Variants in CYP2J2 observed in about 807,000 individuals in gnomAD.
CYP2J2 encodes cytochrome P450 2J2.
CYP2J2 carries 41 observed loss-of-function variants against 48.8 expected under a neutral mutation model. The observed-to-expected ratio is 0.84, with a 90% CI of 0.66 to 1.09. CYP2J2 has a LOEUF of 1.09. CYP2J2 is among the 50% of genes least tolerant of loss of function. CYP2J2 has a pLI of 0.00. For synonymous variants in CYP2J2, 221 were observed against 227.1 expected, an observed-to-expected ratio of 0.97 and a Z score of 0.24; for missense variants, 644 against 617.3, an observed-to-expected ratio of 1.04 and a Z score of -0.46.
the CYP2J2 span, among the ~76,000 whole-genome samples, chr1:59,966,903 C>T: frequency 2.0e-5 from 3 of 152,092 alleles, no homozygotes; most frequent in Non-Finnish European, 4.4e-5. Flanking sequence ...TAATGAAGTC[C>T]TGGCCTTTCT....
chr1:59,951,988 G>T, the CYP2J2 span, among the ~76,000 whole-genome samples: 1 of 152,126 alleles, frequency 6.6e-6, no homozygotes, highest in African/African-American at 2.4e-5. Flanking sequence ...AATATCAGGG[G>T]TAGGGTCTGT....
At chr1:59,934,419 A>G in the CYP2J2 span, among the ~76,000 whole-genome samples, 3 of 152,192 alleles carry the variant, frequency 2.0e-5, no homozygotes, top group African/African-American at 7.2e-5. Flanking sequence ...AACAAAGGAA[A>G]CAATCAATGC....
In CYP2J2 at chr1:59,897,196, T is replaced by C. The variant is rs1174415042; in HGVS notation, c.1331-3367A>G. Among the ~76,000 whole-genome samples, 3 of 152,194 alleles carry C rather than the reference T, an allele frequency of 2.0e-5. No individual in the cohort carries two copies. In the East Asian group the frequency reaches 5.8e-4, roughly 29 times the overall value. On this transcript the variant is annotated intron_variant, in intron 8 of 8. Transcript: ENST00000371204. ...ATCACAAATAGTACAATTAGCAACA[T>C]GCTAAAATGATACCAAGTCAGTTTA...
At chr1:59,967,795 A>C in the CYP2J2 span, among the ~76,000 whole-genome samples, 1 of 152,254 alleles carries the variant, frequency 6.6e-6, no homozygotes, top group Non-Finnish European at 1.5e-5. Context: ...GTAAGTACTG[A>C]AATACTGGCC....
At chr1:59,900,342 A>T (rs1260919609) in intron 8 of CYP2J2, among the ~76,000 whole-genome samples, 1 of 152,102 alleles carries the variant, frequency 6.6e-6, no homozygotes, top group Admixed American at 6.6e-5. Flanking sequence ...GGATGGCAGC[A>T]CCCGACCGGG....
At chr1:59,948,507 AAATT>A in the CYP2J2 span, among the ~76,000 whole-genome samples, 1 of 152,240 alleles carries the variant, frequency 6.6e-6, no homozygotes, top group Non-Finnish European at 1.5e-5. Context: ...ACAAAAATAA[AAATT>A]AAAAATTAAG....
At chr1:59,949,638 C>G in the CYP2J2 span, among the ~76,000 whole-genome samples, 3 of 152,048 alleles carry the variant, frequency 2.0e-5, no homozygotes, top group South Asian at 6.2e-4. Context: ...CCGGTAACCC[C>G]CAATCACTAG....
chr1:59,898,762 T>A (rs558018085), intron 8 of CYP2J2, among the ~76,000 whole-genome samples: 1 of 152,302 alleles, frequency 6.6e-6, no homozygotes, highest in Middle Eastern at 3.4e-3. Flanking sequence ...TTTTTAGTTA[T>A]CTTAAATTAA....
At chr1:59,957,071 C>T in the CYP2J2 span, among the ~76,000 whole-genome samples, 2 of 152,210 alleles carry the variant, frequency 1.3e-5, no homozygotes, top group Admixed American at 6.5e-5. Context: ...CAGAGCCCCC[C>T]ACTTGGGTGC....
At chr1:59,938,014 C>T in the CYP2J2 span, among the ~76,000 whole-genome samples, 10 of 152,102 alleles carry the variant, frequency 6.6e-5, no homozygotes, top group African/African-American at 2.4e-4. Context: ...CTCAAAATAA[C>T]TATTTTGAAT....
chr1:59,950,681 C>T, the CYP2J2 span, among the ~76,000 whole-genome samples: 1 of 152,166 alleles, frequency 6.6e-6, no homozygotes, highest in South Asian at 2.1e-4. Context: ...TGGGCCAGGA[C>T]TTTGGGCAGA....
rs1168971177 is a variant in CYP2J2, at chr1:59,904,962, T to C, written c.1100A>G (p.His367Arg). ...GATGTTGCCCATTCTCTGCACCTCA[T>C]GGATGACAGCATTGGTGTAGGGCAT... is the stretch of plus-strand genomic sequence containing the variant. The part of the protein sequence containing the change: ...ESMPYTNAVI[H>R]EVQRMGNIIP... The change falls in exon 7 of 9, where the codon CAT becomes CGT. Residue 367 changes from histidine (H) to arginine (R), a missense_variant. His to Arg is a conservative substitution (Grantham distance 29). Coordinates refer to ENST00000371204, the MANE Select transcript of CYP2J2 (RefSeq NM_000775.4). The C allele has an allele frequency of 8.1e-6, 13 of 1,613,816 alleles. No individual in the cohort carries two copies. Among genetic ancestry groups the C allele is most frequent in the East Asian group, 6.7e-5 (3 of 44,846 alleles).
At chr1:59,901,463 C>G (rs1033236231) in intron 7 of CYP2J2, among the ~76,000 whole-genome samples, 3 of 152,180 alleles carry the variant, frequency 2.0e-5, no homozygotes, top group Admixed American at 6.5e-5. Flanking sequence ...GTACCAAAAC[C>G]AGCCCAGCTG....
At chr1:59,949,181 A>G in the CYP2J2 span, among the ~76,000 whole-genome samples, 80 of 152,240 alleles carry the variant, frequency 5.3e-4, no homozygotes, top group African/African-American at 1.9e-3. Context: ...TCTCAGACCT[A>G]TTGCACAACT....
chr1:59,928,024 G>A (rs1046375824), upstream of CYP2J2, among the ~76,000 whole-genome samples: 6 of 152,024 alleles, frequency 3.9e-5, no homozygotes, highest in Non-Finnish European at 7.4e-5. Flanking sequence ...ATTTTTACAC[G>A]AATTATTCTA....
the CYP2J2 span, among the ~76,000 whole-genome samples, chr1:59,939,789 G>A: frequency 6.6e-6 from 1 of 152,164 alleles, no homozygotes; most frequent in Non-Finnish European, 1.5e-5. Context: ...CTAAAACCAC[G>A]AGACATAGCT....
chr1:59,904,996 G>C lies in CYP2J2; in HGVS notation c.1066C>G (p.Arg356Gly). Residue 356 changes from arginine to glycine, a missense_variant, in exon 7 of 9, where the codon CGG becomes GGG. Transcript: ENST00000371204. ...GCATTGGTGTAGGGCATGGACTCCC[G>C]GGCGGCTGTGCTCGGCTGCTGCCCC... ...GQGQQPSTAA[R>G]ESMPYTNAVI... 1 of 1,613,894 alleles carries C rather than the reference G, an allele frequency of 6.2e-7. No individual in the cohort carries two copies. The highest frequency in any genetic ancestry group is 8.5e-7 in the Non-Finnish European group (1 of 1,179,914).
chr1:59,926,698 G>A lies in CYP2J2; in HGVS notation c.49C>T (p.His17Tyr). Residue 17 changes from histidine to tyrosine, a missense_variant, in exon 1 of 9, where the codon CAT (histidine) becomes TAT (tyrosine). Physicochemically the swap from His to Tyr is moderately conservative, Grantham distance 83 (BLOSUM62 2). Transcript: ENST00000371204. ...SLAAALWAVV[H>Y]PRTLLLGTVA... ...GTGCCCAGTAGGAGAGTCCGAGGAT[G>A]GACCACTGCCCAGAGGGCAGCCGCC... is the stretch of plus-strand genomic sequence containing the variant. The A allele has an allele frequency of 6.2e-7, 1 of 1,614,054 alleles. No individual in the cohort carries two copies. Among genetic ancestry groups the A allele is most frequent in the Non-Finnish European group, 8.5e-7 (1 of 1,179,960 alleles).
At chr1:59,924,677 C>T (rs1334582070) in intron 1 of CYP2J2, among the ~76,000 whole-genome samples, 1 of 151,720 alleles carries the variant, frequency 6.6e-6, no homozygotes, top group African/African-American at 2.4e-5. Context: ...TAAAAAACAC[C>T]TCAGATAAAT....
Sources: allele counts gnomAD v4.1 joint callset (sites outside exome capture counted in the v4.1 genomes callset), GRCh38; gene constraint gnomAD v4.1.1; transcripts MANE v1.5; gene names NCBI Gene and HGNC (gene_info 2026-07-23, HGNC 2026-07-21).